The following ARHGAP12 variants were observed in gnomAD, a reference collection of about 807,000 sequenced individuals.
The protein encoded by ARHGAP12 is Rho GTPase activating protein 12, also known as rho GTPase-activating protein 12.
Under a neutral mutation model 108.6 loss-of-function variants are expected in ARHGAP12, and 64 were observed. That is an observed-to-expected ratio of 0.59 (90% CI 0.48 to 0.73). ARHGAP12 has a LOEUF of 0.73. Ranked by LOEUF, ARHGAP12 falls within the 30% of genes least tolerant of loss-of-function variation. ARHGAP12 has a pLI of 0.00. For missense variants in ARHGAP12, 940 were observed against 1,005.9 expected, an observed-to-expected ratio of 0.93 and a Z score of 0.89; for synonymous variants, 312 against 337.2, an observed-to-expected ratio of 0.93 and a Z score of 0.82.
At chr10:31,864,635 A>G (rs540065131) in intron 3 of ARHGAP12, among the ~76,000 whole-genome samples, 5 of 152,342 alleles carry the variant, frequency 3.3e-5, no homozygotes, top group Admixed American at 6.5e-5. Context: ...TCTCCTCCAA[A>G]AAAGGAAAAT....
At chr10:31,824,602 A>T (rs952738781) in intron 11 of ARHGAP12, among the ~76,000 whole-genome samples, 15 of 152,146 alleles carry the variant, frequency 9.9e-5, no homozygotes, top group Non-Finnish European at 2.2e-4. Context: ...AATAAATTTT[A>T]AAAAATGTAA....
In ARHGAP12 at chr10:31,861,410, A is replaced by C; in HGVS notation, c.933T>G (p.Asn311Lys). 5 of 1,612,620 alleles carry C rather than the reference A, an allele frequency of 3.1e-6. No individual in the cohort carries two copies. Among genetic ancestry groups the C allele is most frequent in the Non-Finnish European group, 4.2e-6 (5 of 1,179,520 alleles). The change falls in exon 4 of 20, where the codon AAT (asparagine) becomes AAG (lysine). Residue 311 changes from asparagine (N) to lysine (K), a missense_variant. Physicochemically the swap from Asn to Lys is moderately conservative, Grantham distance 94. Coordinates refer to ENST00000344936, the MANE Select transcript of ARHGAP12 (RefSeq NM_018287.7). ...DASISKGDFQ[N>K]PGDQELLSSE... ...TTACTCATACCTCTTGATCCCCTGG[A>C]TTTTGGAAATCTCCTTTGCTGATGC...
intron 6 of ARHGAP12, 137 bp downstream of exon 6, chr10:31,852,380 T>C: frequency 4.1e-6 from 3 of 725,734 alleles, no homozygotes; most frequent in Non-Finnish European, 7.2e-6. Context: ...ACTCACAGTA[T>C]TCACAGTGAA....
At position 31,900,318 on chromosome 10, in the gene ARHGAP12, CAG is replaced by C. The variant is rs1564422122; in HGVS notation, c.684+7852_684+7853del. Among the ~76,000 whole-genome samples the C allele has an allele frequency of 3.3e-5, 5 of 152,284 alleles. No homozygotes were observed. The South Asian group carries it at 6.2e-4, about 19-fold the overall frequency. Reference sequence around the variant, plus strand: ...TTTGACAGTTTCTTACAAAGCTAAACAGAGTCATACCATACTAAACAGAGTTA... The same window carrying C: ...TTTGACAGTTTCTTACAAAGCTAAACAGTCATACCATACTAAACAGAGTTA... On this transcript the variant is annotated intron_variant, in intron 3 of 19. Coordinates refer to ENST00000344936, the MANE Select transcript of ARHGAP12 (RefSeq NM_018287.7).
chr10:31,921,763 C>CAAAAAAAAAAA (rs57420280), intron 1 of ARHGAP12, among the ~76,000 whole-genome samples: 3 of 37,916 alleles, frequency 7.9e-5, no homozygotes, highest in African/African-American at 1.7e-4. Context: ...GGCTCCATCT[C>CAAAAAAAAAAA]AAAAAAAAAA....
intron 3 of ARHGAP12, among the ~76,000 whole-genome samples, chr10:31,892,448 C>T (rs1003466885): frequency 2.0e-5 from 3 of 151,922 alleles, no homozygotes; most frequent in Admixed American, 2.0e-4. Context: ...AAAAAAAAGG[C>T]AGTCCTAGTC....
intron 6 of ARHGAP12, among the ~76,000 whole-genome samples, chr10:31,846,810 C>G (rs2132266347): frequency 6.6e-6 from 1 of 151,588 alleles, no homozygotes; most frequent in South Asian, 2.1e-4. Flanking sequence ...ATCTTTCTGC[C>G]TCACACTCTT....
intron 3 of ARHGAP12, among the ~76,000 whole-genome samples, chr10:31,880,088 G>C (rs548575968): frequency 6.6e-6 from 1 of 152,232 alleles, no homozygotes; most frequent in Non-Finnish European, 1.5e-5. Context: ...AACTGTGCAC[G>C]ATACAAGGTA....
intron 1 of ARHGAP12, among the ~76,000 whole-genome samples, chr10:31,915,906 T>G (rs983256730): frequency 1.3e-5 from 2 of 152,224 alleles, no homozygotes; most frequent in Non-Finnish European, 2.9e-5. Flanking sequence ...GTGTGAATAA[T>G]TAATGCTATT....
intron 1 of ARHGAP12, among the ~76,000 whole-genome samples, chr10:31,928,004 C>A (rs545726859): frequency 1.3e-5 from 2 of 152,304 alleles, no homozygotes; most frequent in African/African-American, 4.8e-5. Flanking sequence ...AGGGGCAGGG[C>A]ACCGGGAAAG....
At chr10:31,885,886 T>C (rs890144425) in intron 3 of ARHGAP12, among the ~76,000 whole-genome samples, 5 of 151,614 alleles carry the variant, frequency 3.3e-5, no homozygotes, top group African/African-American at 4.8e-5. Context: ...AACCATAGCT[T>C]AAAAAAAAGA....
chr10:31,852,735 T>A, intron 5 of ARHGAP12, 138 bp from the exon 6 acceptor site: 1 of 425,720 alleles, frequency 2.3e-6, no homozygotes, highest in Non-Finnish European at 4.0e-6. Flanking sequence ...AATTCTTTTT[T>A]TTTTTTTTTT....
chr10:31,834,430 A>G (rs1835939089), intron 9 of ARHGAP12, among the ~76,000 whole-genome samples: 1 of 152,208 alleles, frequency 6.6e-6, no homozygotes, highest in Non-Finnish European at 1.5e-5. Context: ...GGAACCATCT[A>G]TGAACCAGGA....
intron 3 of ARHGAP12, among the ~76,000 whole-genome samples, chr10:31,870,075 A>C (rs1837481268): frequency 6.6e-6 from 1 of 152,186 alleles, no homozygotes; most frequent in Admixed American, 6.5e-5. Flanking sequence ...ATGGAAAAAA[A>C]CATTTACCAC....
At chr10:31,896,888 C>T (rs1838722092) in intron 3 of ARHGAP12, among the ~76,000 whole-genome samples, 1 of 152,118 alleles carries the variant, frequency 6.6e-6, no homozygotes, top group African/African-American at 2.4e-5. Context: ...ACCACTACCC[C>T]AAAATTTGGA....
At chr10:31,813,185 C>A (rs1835081761) in intron 14 of ARHGAP12, among the ~76,000 whole-genome samples, 1 of 151,862 alleles carries the variant, frequency 6.6e-6, no homozygotes, top group South Asian at 2.1e-4. Flanking sequence ...GTAAAATGAC[C>A]ACCAAAAAGT....
chr10:31,831,738 C>A lies in ARHGAP12; in HGVS notation c.1448+1G>T. ...AGAACATTAAAGACTTGTGTACTTACCGAACCTTTTTCCCATTTTCAGCAA... is the reference window on the plus strand; with the variant it reads ...AGAACATTAAAGACTTGTGTACTTAACGAACCTTTTTCCCATTTTCAGCAA... On this transcript the variant is annotated splice_donor_variant, in intron 10 of 19. Coordinates refer to ENST00000344936, the MANE Select transcript of ARHGAP12 (RefSeq NM_018287.7). LOFTEE classifies it high-confidence loss of function. 6.4e-7 allele frequency: 1 copy of A among 1,567,994 alleles called. No homozygotes were observed. Among genetic ancestry groups the A allele is most frequent in the Non-Finnish European group, 8.8e-7 (1 of 1,142,222 alleles).
At chr10:31,811,098 T>C (rs543817117) in intron 15 of ARHGAP12, among the ~76,000 whole-genome samples, 16 of 152,322 alleles carry the variant, frequency 1.1e-4, no homozygotes, top group African/African-American at 3.8e-4. Flanking sequence ...GAGAACCCAG[T>C]TCTAGACACA....
At chr10:31,877,880 C>G (rs1837790580) in intron 3 of ARHGAP12, among the ~76,000 whole-genome samples, 1 of 152,094 alleles carries the variant, frequency 6.6e-6, no homozygotes, top group Admixed American at 6.6e-5. Context: ...TAGCTTGAGC[C>G]CAGCAGTTTG....
Sources: gnomAD v4.1 joint callset for allele counts (sites outside exome capture counted in the v4.1 genomes callset) on GRCh38, gnomAD v4.1.1 for gene constraint, MANE v1.5 for transcripts, NCBI Gene and HGNC (gene_info 2026-07-23, HGNC 2026-07-21) for gene names.